Variants in LYSMD2 observed in about 807,000 individuals in gnomAD.
The protein encoded by LYSMD2 is lysM and putative peptidoglycan-binding domain-containing protein 2.
Under a neutral mutation model 17.7 loss-of-function variants are expected in LYSMD2, and 6 were observed. That is an observed-to-expected ratio of 0.34 (90% CI 0.19 to 0.67). The LOEUF (loss-of-function observed/expected upper bound fraction) is 0.67, where lower values mean the gene tolerates loss of function less well. LYSMD2 is among the 30% of genes least tolerant of loss of function. LYSMD2 has a pLI of 0.69. For missense variants in LYSMD2, 237 were observed against 286.7 expected, an observed-to-expected ratio of 0.83 and a Z score of 1.25; for synonymous variants, 102 against 129.8, an observed-to-expected ratio of 0.79 and a Z score of 1.45.
chr15:51,733,311 T>C (rs545946750), intron 1 of LYSMD2, among the ~76,000 whole-genome samples: 1 of 151,812 alleles, frequency 6.6e-6, no homozygotes, highest in South Asian at 2.1e-4. Context: ...TCATTATGCT[T>C]ATCAATATAA....
At chr15:51,729,471 G>T (rs1387178489) in intron 1 of LYSMD2, among the ~76,000 whole-genome samples, 1 of 152,110 alleles carries the variant, frequency 6.6e-6, no homozygotes, top group Non-Finnish European at 1.5e-5. Context: ...TATTTTTATT[G>T]TTTTTGAGAT....
chr15:51,741,869 G>A (rs910567819), upstream of LYSMD2, among the ~76,000 whole-genome samples: 4 of 151,616 alleles, frequency 2.6e-5, no homozygotes, highest in African/African-American at 9.7e-5. Flanking sequence ...ACAGTGACCC[G>A]AGATAGCAAC....
chr15:51,743,394 C>T (rs547506847), intron 1 of LYSMD2, among the ~76,000 whole-genome samples: 9 of 152,312 alleles, frequency 5.9e-5, no homozygotes, highest in African/African-American at 2.2e-4. Flanking sequence ...TATTTTTTCT[C>T]TATTAAGTTG....
chr15:51,746,494 T>C (rs1324098588), intron 1 of LYSMD2, among the ~76,000 whole-genome samples: 2 of 152,236 alleles, frequency 1.3e-5, no homozygotes, highest in African/African-American at 4.8e-5. Flanking sequence ...TGTGGTTTCT[T>C]CTGAAGTTTT....
chr15:51,727,716 G>A (rs1355047464), intron 1 of LYSMD2, among the ~76,000 whole-genome samples: 1 of 152,172 alleles, frequency 6.6e-6, no homozygotes, highest in African/African-American at 2.4e-5. Flanking sequence ...GCTCCCCCTG[G>A]CTTCTGTACA....
chr15:51,750,541 T>A (rs1319040007), intron 1 of LYSMD2, among the ~76,000 whole-genome samples: 1 of 152,188 alleles, frequency 6.6e-6, no homozygotes, highest in African/African-American at 2.4e-5. Context: ...TAGCAGCAAC[T>A]TGCAAAACTC....
intron 1 of LYSMD2, among the ~76,000 whole-genome samples, chr15:51,725,926 C>T (rs1004766578): frequency 1.6e-4 from 24 of 152,008 alleles, no homozygotes; most frequent in African/African-American, 5.3e-4. Flanking sequence ...CTCCGAAGTC[C>T]GTACAACATC....
intron 2 of LYSMD2, among the ~76,000 whole-genome samples, chr15:51,724,546 T>G (rs1314935878): frequency 6.6e-6 from 1 of 150,820 alleles, no homozygotes; most frequent in African/African-American, 2.4e-5. Context: ...CTGTTTAGAG[T>G]TTATATACTA....
chr15:51,729,915 G>T (rs2055565932), intron 1 of LYSMD2, among the ~76,000 whole-genome samples: 2 of 152,220 alleles, frequency 1.3e-5, no homozygotes, highest in Admixed American at 1.3e-4. Flanking sequence ...CACTTCCTAA[G>T]ATCCAATTAA....
chr15:51,726,515 C>T (rs2055540935), intron 1 of LYSMD2, among the ~76,000 whole-genome samples: 1 of 152,204 alleles, frequency 6.6e-6, no homozygotes, highest in South Asian at 2.1e-4. Flanking sequence ...TGTGATAGAT[C>T]ACAGACCCAT....
chr15:51,731,895 C>T (rs2141595710), intron 1 of LYSMD2, among the ~76,000 whole-genome samples: 1 of 152,282 alleles, frequency 6.6e-6, no homozygotes, highest in African/African-American at 2.4e-5. Flanking sequence ...CTTAATGTCT[C>T]AGTGGAGATA....
upstream of LYSMD2, chr15:51,737,682 TCCG>T (rs531804733): frequency 1.4e-4 from 152 of 1,110,412 alleles, no homozygotes; most frequent in Middle Eastern, 3.6e-4. This position sits in a 1 kb window ranked among gnomAD's most constrained non-coding sequence, Gnocchi z 4.2. Flanking sequence ...CTCCTCCTCC[TCCG>T]CCGCCGCCGC....
At chr15:51,736,262 C>G (rs753047533) in intron 1 of LYSMD2, among the ~76,000 whole-genome samples, 1 of 152,172 alleles carries the variant, frequency 6.6e-6, no homozygotes. Flanking sequence ...TGACTCAAAC[C>G]AGGCCCCATT....
chr15:51,750,388 C>T (rs536959468), intron 1 of LYSMD2, among the ~76,000 whole-genome samples: 13 of 152,346 alleles, frequency 8.5e-5, no homozygotes, highest in African/African-American at 3.1e-4. Flanking sequence ...GCCAGACAGA[C>T]TATAAAGCTG....
chr15:51,750,545 A>C (rs1595857025), intron 1 of LYSMD2, among the ~76,000 whole-genome samples: 1 of 152,248 alleles, frequency 6.6e-6, no homozygotes, highest in African/African-American at 2.4e-5. Flanking sequence ...AGCAACTTGC[A>C]AAACTCAACG....
Position 51,723,528 on chromosome 15 carries a change from G to T in LYSMD2, c.*79C>A. On this transcript the variant is annotated 3_prime_UTR_variant, in exon 3 of 3. Transcript: ENST00000267838. ...GACACTATAGGAATCCAGAAGGGATGTTTTTGAATCTTCAGTTGTTGGATT... is the reference window on the plus strand; with the variant it reads ...GACACTATAGGAATCCAGAAGGGATTTTTTTGAATCTTCAGTTGTTGGATT... 1 of 1,180,260 alleles carries T rather than the reference G, an allele frequency of 8.5e-7. No individual in the cohort carries two copies. Among genetic ancestry groups the T allele is most frequent in the Non-Finnish European group, 1.3e-6 (1 of 788,156 alleles). 73.1% of individuals were successfully genotyped at this position (1,180,260 alleles called of 1,614,324 possible).
chr15:51,737,898 T>A, upstream of LYSMD2: 1 of 242,296 alleles, frequency 4.1e-6, no homozygotes, highest in Non-Finnish European at 7.9e-6. The surrounding 1 kb of genome is among the most constrained non-coding windows in gnomAD (Gnocchi z 4.2). Flanking sequence ...GGGAAGACCC[T>A]GCAGAGCGAG....
At chr15:51,729,748 G>A (rs117443918) in intron 1 of LYSMD2, among the ~76,000 whole-genome samples, 5,541 of 152,290 alleles carry the variant, frequency 0.036, 155 homozygotes, top group East Asian at 0.094. Context: ...ATGAGCCACC[G>A]CACCTGGCCT....
chr15:51,741,781 G>A (rs1202898712), upstream of LYSMD2, among the ~76,000 whole-genome samples: 2 of 151,982 alleles, frequency 1.3e-5, no homozygotes, highest in South Asian at 2.1e-4. Context: ...TTAGCCTGGT[G>A]TGGTGGCAGG....
Sources: allele counts gnomAD v4.1 joint callset (sites outside exome capture counted in the v4.1 genomes callset), GRCh38; gene constraint gnomAD v4.1.1; non-coding constraint Gnocchi (gnomAD v3.1); transcripts MANE v1.5; gene names NCBI Gene and HGNC (gene_info 2026-07-23, HGNC 2026-07-21).